The following ATP10B variants were observed in gnomAD, a reference collection of about 807,000 sequenced individuals.
ATP10B encodes phospholipid-transporting ATPase VB.
ATP10B carries 122 observed loss-of-function variants against 141.2 expected under a neutral mutation model. That is an observed-to-expected ratio of 0.86 (90% CI 0.75 to 1.00). The LOEUF (loss-of-function observed/expected upper bound fraction) is 1.00. ATP10B is among the 50% of genes least tolerant of loss of function. The probability of loss-of-function intolerance (pLI) is 0.00; values close to 1 mark genes in which losing one functional copy is unlikely to be tolerated. For missense variants in ATP10B, 1,876 were observed against 1,825.3 expected (o/e 1.03, Z -0.51); for synonymous variants, 685 against 692.0 (o/e 0.99, Z 0.16).
At chr5:160,682,497 G>C (rs1433472300) in intron 6 of ATP10B, among the ~76,000 whole-genome samples, 1 of 152,132 alleles carries the variant, frequency 6.6e-6, no homozygotes, top group Non-Finnish European at 1.5e-5. Context: ...CCTGGCCTAG[G>C]TCCTGCCAGC....
At chr5:160,844,611 T>C (rs145242543) in intron 1 of ATP10B, among the ~76,000 whole-genome samples, 1 of 152,064 alleles carries the variant, frequency 6.6e-6, no homozygotes, top group East Asian at 1.9e-4. Context: ...AGTGGCTCCA[T>C]ATGGGCTCAC....
chr5:160,678,986 T>C (rs1763212000), intron 6 of ATP10B, among the ~76,000 whole-genome samples: 3 of 152,254 alleles, frequency 2.0e-5, no homozygotes, highest in South Asian at 4.1e-4. Context: ...TTATATGTCA[T>C]CTGAACACCT....
intron 1 of ATP10B, among the ~76,000 whole-genome samples, chr5:160,836,796 TC>T (rs1363759839): frequency 6.6e-5 from 10 of 152,014 alleles, no homozygotes; most frequent in African/African-American, 2.4e-4. Flanking sequence ...ACCACTTCCT[TC>T]AAGGAGCCTC....
chr5:160,782,613 C>T (rs1770798629), intron 2 of ATP10B, among the ~76,000 whole-genome samples: 1 of 152,008 alleles, frequency 6.6e-6, no homozygotes, highest in African/African-American at 2.4e-5. Flanking sequence ...AAGGAGCTTA[C>T]TAAAGAGACA....
At chr5:160,691,325 C>G (rs1581365609) in intron 3 of ATP10B, among the ~76,000 whole-genome samples, 1 of 152,052 alleles carries the variant, frequency 6.6e-6, no homozygotes, top group East Asian at 1.9e-4. Context: ...CCTGCACATT[C>G]TGCACATATA....
At chr5:160,686,874 C>G in intron 5 of ATP10B, 1 of 865,018 alleles carries the variant, frequency 1.2e-6, no homozygotes, top group Non-Finnish European at 1.4e-6. Context: ...ATAATAATTA[C>G]AATATTGAGG....
At chr5:160,619,284 TC>T (rs1359491072) in intron 15 of ATP10B, among the ~76,000 whole-genome samples, 1 of 152,220 alleles carries the variant, frequency 6.6e-6, no homozygotes, top group Non-Finnish European at 1.5e-5. Context: ...ATTTTCTCCC[TC>T]CTTTCAAAGT....
chr5:160,733,254 G>T (rs1206031854), intron 2 of ATP10B, among the ~76,000 whole-genome samples: 1 of 151,976 alleles, frequency 6.6e-6, no homozygotes, highest in African/African-American at 2.4e-5. Flanking sequence ...TTTTTAGTTG[G>T]TTTGTTACCA....
intron 8 of ATP10B, among the ~76,000 whole-genome samples, chr5:160,648,432 C>A (rs577902414): frequency 6.6e-6 from 1 of 152,276 alleles, no homozygotes; most frequent in East Asian, 1.9e-4. Context: ...AGTTTGGACA[C>A]CCCTGTAGAA....
intron 10 of ATP10B, 98 bp from the exon 11 acceptor site, chr5:160,636,407 GC>G (rs1401522906): frequency 7.7e-7 from 1 of 1,295,462 alleles, no homozygotes; most frequent in Admixed American, 2.2e-5. Flanking sequence ...AAATGGGTGT[GC>G]TTTGGAGGAC....
intron 4 of ATP10B, 36 bp downstream of exon 4, chr5:160,688,724 A>T: frequency 1.0e-6 from 1 of 978,228 alleles, no homozygotes; most frequent in Non-Finnish European, 1.2e-6. Context: ...TGGCGCTAAC[A>T]TTTTCTGATT....
At chr5:160,917,150 G>A in the ATP10B span, among the ~76,000 whole-genome samples, 1 of 152,004 alleles carries the variant, frequency 6.6e-6, no homozygotes, top group African/African-American at 2.4e-5. Context: ...ATCTCCTCCT[G>A]CCTGTCCATT....
intron 25 of ATP10B, among the ~76,000 whole-genome samples, chr5:160,568,755 A>T (rs748986222): frequency 2.6e-4 from 39 of 152,178 alleles, no homozygotes; most frequent in Admixed American, 5.9e-4. Flanking sequence ...ACAAAATGAG[A>T]GGCTAGATGG....
At chr5:160,927,837 CAGTG>C in the ATP10B span, among the ~76,000 whole-genome samples, 3 of 152,172 alleles carry the variant, frequency 2.0e-5, no homozygotes, top group African/African-American at 4.8e-5. Context: ...GAAAATAACA[CAGTG>C]AGGGAGAGGA....
At chr5:160,636,586 G>C (rs535656501) in intron 10 of ATP10B, among the ~76,000 whole-genome samples, 1 of 152,296 alleles carries the variant, frequency 6.6e-6, no homozygotes, top group East Asian at 1.9e-4. Context: ...TTTTGATTAA[G>C]TCTTGTTAAA....
chr5:160,764,684 A>G (rs1041968590), intron 2 of ATP10B, among the ~76,000 whole-genome samples: 2 of 152,152 alleles, frequency 1.3e-5, no homozygotes, highest in Non-Finnish European at 2.9e-5. Flanking sequence ...TGCCACTTCT[A>G]TTCAGCGTAG....
intron 6 of ATP10B, among the ~76,000 whole-genome samples, chr5:160,678,439 A>T (rs1205188576): frequency 1.3e-5 from 2 of 152,178 alleles, no homozygotes; most frequent in East Asian, 3.9e-4. Context: ...TGGGAGGACC[A>T]CTTGAGGCCA....
At position 160,693,255 on chromosome 5, in the gene ATP10B, A is replaced by C. The variant is rs2127752675; in HGVS notation, c.-204-4312T>G. ...GACAATGGGCAAAATCTGAATATAA[A>C]CTACAGTTAGGTAATAGCATTTTAA... On this transcript the variant is annotated intron_variant, in intron 3 of 25. Transcript: ENST00000327245. Among the ~76,000 whole-genome samples the C allele has an allele frequency of 2.6e-5, 4 of 152,292 alleles. No homozygotes were observed. In the South Asian group the frequency reaches 8.3e-4, roughly 32 times the overall value.
rs766095787 is a variant in ATP10B, at chr5:160,565,767, C to G, written c.4072G>C (p.Val1358Leu). 1.1e-5 allele frequency: 18 copies of G among 1,614,074 alleles called. No homozygotes were observed. The highest frequency in any genetic ancestry group is 1.5e-5 in the Non-Finnish European group (18 of 1,179,970). ...TGAGTTGGTCGAGCCACTTCGGGGA[C>G]AGGGGCAGGCCTCTGTCTGCTTCTC... ...SWRSRQRPAP[V>L]PEVARPTHHP... Residue 1358 changes from valine (V) to leucine (L), a missense_variant, in exon 26 of 26, where the codon GTC (valine) becomes CTC (leucine). By Grantham distance (32) the Val-to-Leu change is conservative (BLOSUM62 1). Coordinates refer to ENST00000327245, the MANE Select transcript of ATP10B (RefSeq NM_025153.3).
Sources: allele counts gnomAD v4.1 joint callset (sites outside exome capture counted in the v4.1 genomes callset), GRCh38; gene constraint gnomAD v4.1.1; transcripts MANE v1.5; gene names NCBI Gene and HGNC (gene_info 2026-07-23, HGNC 2026-07-21).